The following UROC1 variants were observed in gnomAD, a reference collection of about 807,000 sequenced individuals.
UROC1 encodes urocanate hydratase.
Under a neutral mutation model 89.5 loss-of-function variants are expected in UROC1, and 79 were observed. That is an observed-to-expected ratio of 0.88 (90% CI 0.74 to 1.06). The LOEUF (loss-of-function observed/expected upper bound fraction) is 1.06, where lower values mean the gene tolerates loss of function less well. Among genes scored for constraint, UROC1 ranks in the 50% least tolerant of loss-of-function variants. The probability of loss-of-function intolerance (pLI) is 0.00; values close to 1 mark genes in which losing one functional copy is unlikely to be tolerated. For synonymous variants in UROC1, 361 were observed against 354.8 expected (o/e 1.02, Z -0.20); for missense variants, 885 against 907.8 (o/e 0.97, Z 0.32).
At chr3:126,516,637 C>T (rs1185014092) in intron 1 of UROC1, among the ~76,000 whole-genome samples, 1 of 49,176 alleles carries the variant, frequency 2.0e-5, no homozygotes, top group South Asian at 7.1e-4. Flanking sequence ...GCCCCCAGTG[C>T]CCCACTCCCA....
intron 9 of UROC1, among the ~76,000 whole-genome samples, chr3:126,502,821 A>G (rs1935966682): frequency 6.9e-6 from 1 of 145,256 alleles, no homozygotes; most frequent in Non-Finnish European, 1.5e-5. Flanking sequence ...ATGTGTGCTT[A>G]TGTGTGTTAA....
chr3:126,495,716 G>C (rs1935760274), intron 15 of UROC1, among the ~76,000 whole-genome samples: 1 of 152,200 alleles, frequency 6.6e-6, no homozygotes, highest in Non-Finnish European at 1.5e-5. Flanking sequence ...ATTTTTTGCA[G>C]AAGCTTCCTC....
chr3:126,513,364 C>A (rs1560129014), intron 1 of UROC1, among the ~76,000 whole-genome samples: 1 of 152,214 alleles, frequency 6.6e-6, no homozygotes, highest in Non-Finnish European at 1.5e-5. Context: ...CAGCAGGGTC[C>A]CCACCAGCTC....
chr3:126,507,897 T>C (rs925548872), intron 5 of UROC1, 70 bp downstream of exon 5: 2 of 1,612,698 alleles, frequency 1.2e-6, no homozygotes, highest in Non-Finnish European at 1.7e-6. Flanking sequence ...GGCACTGGGC[T>C]TTCTTTCCAG....
rs142266177 is a variant in UROC1 at position 126,510,631 on chromosome 3, G to A, written c.257+33C>T. ...CCCTTGCGGGAGCTGCCTGCCCCTCGGGTCCCTTTGAAGCTGTACCCACAA... is the reference window on the plus strand; with the variant it reads ...CCCTTGCGGGAGCTGCCTGCCCCTCAGGTCCCTTTGAAGCTGTACCCACAA... On this transcript the variant is annotated intron_variant, in intron 2 of 19. Transcript: ENST00000290868. The A allele has an allele frequency of 1.7e-4, 272 of 1,611,424 alleles. 2 individuals carry two copies. The East Asian group carries it at 5.5e-3, about 33-fold the overall frequency.
intron 14 of UROC1, among the ~76,000 whole-genome samples, chr3:126,496,849 G>C (rs1470091497): frequency 2.0e-5 from 3 of 152,234 alleles, no homozygotes. Context: ...GTATCTGCCT[G>C]GTGGAGATGC....
chr3:126,493,798 A>G (rs1935710888), intron 15 of UROC1, among the ~76,000 whole-genome samples: 1 of 152,244 alleles, frequency 6.6e-6, no homozygotes, highest in African/African-American at 2.4e-5. Flanking sequence ...CCCAAATGTC[A>G]GTACGCTGAG....
rs998942787 is a variant in UROC1, at chr3:126,500,706, C to G, written c.1134G>C (p.Leu378=). The G allele has an allele frequency of 6.2e-7, 1 of 1,614,154 alleles. No individual in the cohort carries two copies. The highest frequency in any genetic ancestry group is 1.7e-5 in the Admixed American group (1 of 60,032). Reference sequence around the variant, plus strand: ...ACTCCAAGTAGCACCTTTCCTGGACCAGGTCCTTGAACACAGCAGGGTTGG... The same window carrying G: ...ACTCCAAGTAGCACCTTTCCTGGACGAGGTCCTTGAACACAGCAGGGTTGG... ...MASNPAVFKD[L]VQESLRRQVS... is the part of the protein sequence containing the mutation. The change falls in exon 11 of 20, where the codon CTG becomes CTC. Residue 378 remains leucine (L), a synonymous_variant. Coordinates refer to ENST00000290868, the MANE Select transcript of UROC1 (RefSeq NM_144639.3).
Position 126,510,662 on chromosome 3 carries a change from A to G in UROC1, c.257+2T>C, listed in dbSNP as rs1936171845. On this transcript the variant is annotated splice_donor_variant, in intron 2 of 19. Coordinates refer to ENST00000290868, the MANE Select transcript of UROC1 (RefSeq NM_144639.3). LOFTEE classifies it high-confidence loss of function. The stretch of plus-strand genomic sequence containing the variant: ...CTTTGAAGCTGTACCCACAAGGCTG[A>G]CCTCATTTCAATGTCGGGGCAAAAC... 6.2e-7 allele frequency: 1 copy of G among 1,613,760 alleles called. No homozygotes were observed. The highest frequency in any genetic ancestry group is 1.3e-5 in the African/African-American group (1 of 74,890).
At chr3:126,501,012 C>T in intron 10 of UROC1, 138 bp from the exon 11 acceptor site, 1 of 1,369,984 alleles carries the variant, frequency 7.3e-7, no homozygotes, top group Non-Finnish European at 1.0e-6. Flanking sequence ...CCTGCTTTCC[C>T]CCTGGAAAGA....
chr3:126,513,610 G>A (rs905475874), intron 1 of UROC1, among the ~76,000 whole-genome samples: 2 of 152,218 alleles, frequency 1.3e-5, no homozygotes, highest in Non-Finnish European at 2.9e-5. Flanking sequence ...GACTGCCTTG[G>A]AGACTGAATG....
chr3:126,506,464 G>A (rs2107547295), intron 6 of UROC1, among the ~76,000 whole-genome samples: 1 of 152,286 alleles, frequency 6.6e-6, no homozygotes, highest in East Asian at 1.9e-4. Flanking sequence ...TGGCAGAGAG[G>A]GACAGGGCCC....
chr3:126,487,590 C>T (rs996193782), intron 18 of UROC1, among the ~76,000 whole-genome samples: 1 of 152,156 alleles, frequency 6.6e-6, no homozygotes, highest in Admixed American at 6.5e-5. Flanking sequence ...AGGCAGGGGG[C>T]GTTGTCCTCC....
At chr3:126,505,467 C>T (rs933807779) in intron 8 of UROC1, among the ~76,000 whole-genome samples, 23 of 152,128 alleles carry the variant, frequency 1.5e-4, no homozygotes, top group African/African-American at 5.3e-4. Context: ...GGAGGGCAGT[C>T]GATAGGCATT....
chr3:126,510,822 G>T (rs139704433), intron 1 of UROC1, 28 bp from the exon 2 acceptor site: 2 of 1,608,182 alleles, frequency 1.2e-6, no homozygotes, highest in Non-Finnish European at 1.7e-6. Context: ...AGAGGCAGTC[G>T]GGGCTGGGAC....
Position 126,500,149 on chromosome 3 carries a change from C to CTCAGG in UROC1, c.1146_1150dup (p.Arg384ThrfsTer2), listed in dbSNP as rs774875224. The stretch of plus-strand genomic sequence containing the variant: ...CCTGTTGATGGCTGAGACTTGCCTC[C>CTCAGG]TCAGGCTGCAACAAGCCATGGGTCA... On this transcript the variant is annotated stop_gained and frameshift_variant, in exon 12 of 20. Transcript: ENST00000290868. LOFTEE classifies it high-confidence loss of function. The CTCAGG allele has an allele frequency of 6.2e-6, 10 of 1,613,564 alleles. No homozygotes were observed. Among genetic ancestry groups the CTCAGG allele is most frequent in the Non-Finnish European group, 7.6e-6 (9 of 1,179,996 alleles).
At chr3:126,483,513 A>G (rs1446914820) in intron 18 of UROC1, 45 bp from the exon 19 acceptor site, 2 of 1,560,608 alleles carry the variant, frequency 1.3e-6, no homozygotes, top group Middle Eastern at 1.7e-4. Context: ...GGGGCCCAAC[A>G]CTGCACAGAG....
intron 17 of UROC1, among the ~76,000 whole-genome samples, chr3:126,488,576 A>G (rs1935569637): frequency 1.3e-5 from 2 of 152,258 alleles, no homozygotes. Flanking sequence ...ATGTGGAAAC[A>G]GTGTTAGTTC....
At chr3:126,497,843 C>T (rs1935816258) in intron 14 of UROC1, among the ~76,000 whole-genome samples, 1 of 152,246 alleles carries the variant, frequency 6.6e-6, no homozygotes, top group South Asian at 2.1e-4. Flanking sequence ...GAGAACGACA[C>T]TTGGGGACCA....
Sources: allele counts gnomAD v4.1 joint callset (sites outside exome capture counted in the v4.1 genomes callset), GRCh38; gene constraint gnomAD v4.1.1; transcripts MANE v1.5; gene names NCBI Gene and HGNC (gene_info 2026-07-23, HGNC 2026-07-21).